Variants in SCGB2B2 observed in about 807,000 individuals in gnomAD.
SCGB2B2 encodes secretoglobin-like protein.
Under a neutral mutation model 7.6 loss-of-function variants are expected in SCGB2B2, and 11 were observed. That is an observed-to-expected ratio of 1.45 (90% CI 0.91 to 2.40). The LOEUF is 2.40. Among genes scored for constraint, SCGB2B2 ranks in the 30% most tolerant of loss-of-function variants. The pLI is 0.00. For missense variants in SCGB2B2, 104 were observed against 115.4 expected, an observed-to-expected ratio of 0.90 and a Z score of 0.45; for synonymous variants, 50 against 48.6, an observed-to-expected ratio of 1.03 and a Z score of -0.12.
chr19:34,616,023 A>G (rs1568432515), intron 1 of SCGB2B2, among the ~76,000 whole-genome samples: 1 of 151,470 alleles, frequency 6.6e-6, no homozygotes, highest in Admixed American at 6.6e-5. Flanking sequence ...TGAACTCATC[A>G]TTTTTTATGG....
At chr19:34,606,697 A>C (rs907821596) in intron 1 of SCGB2B2, among the ~76,000 whole-genome samples, 3 of 152,064 alleles carry the variant, frequency 2.0e-5, no homozygotes, top group African/African-American at 7.2e-5. Context: ...CAATGACCAG[A>C]TTTATATAAC....
intron 1 of SCGB2B2, among the ~76,000 whole-genome samples, chr19:34,671,839 A>G (rs935800300): frequency 5.9e-5 from 9 of 151,958 alleles, no homozygotes; most frequent in African/African-American, 2.2e-4. Context: ...TTTATTCCAG[A>G]TTTTTTTCAC....
At chr19:34,619,063 C>T (rs995774648) in intron 1 of SCGB2B2, among the ~76,000 whole-genome samples, 20 of 152,186 alleles carry the variant, frequency 1.3e-4, no homozygotes, top group African/African-American at 4.3e-4. Flanking sequence ...TAATCTTTTA[C>T]ATTGTCTTTT....
At chr19:34,637,222 T>C (rs1217429784) in intron 1 of SCGB2B2, among the ~76,000 whole-genome samples, 1 of 152,038 alleles carries the variant, frequency 6.6e-6, no homozygotes, top group African/African-American at 2.4e-5. Flanking sequence ...CCTGGTGGGA[T>C]CTATTGGGTT....
At chr19:34,588,032 T>C (rs1272756034), downstream of SCGB2B2, among the ~76,000 whole-genome samples, 3 of 152,192 alleles carry the variant, frequency 2.0e-5, no homozygotes, top group Non-Finnish European at 2.9e-5. Context: ...CGGATAATGG[T>C]GGCCTTGTAA....
intron 1 of SCGB2B2, among the ~76,000 whole-genome samples, chr19:34,666,700 G>A (rs748496292): frequency 5.3e-5 from 8 of 152,298 alleles, no homozygotes; most frequent in Non-Finnish European, 1.0e-4. Context: ...CACCCCAAGT[G>A]TAACCCACAC....
intron 1 of SCGB2B2, among the ~76,000 whole-genome samples, chr19:34,643,650 A>G (rs181798837): frequency 2.2e-4 from 34 of 152,340 alleles, no homozygotes; most frequent in Non-Finnish European, 1.0e-4. Context: ...ATCATTACAC[A>G]TTCTATGCCT....
chr19:34,618,054 C>T (rs546891201), intron 1 of SCGB2B2, among the ~76,000 whole-genome samples: 52 of 152,338 alleles, frequency 3.4e-4, no homozygotes, highest in African/African-American at 1.2e-3. Flanking sequence ...GTGAGATGAA[C>T]CCGGTACCTC....
At chr19:34,663,009 A>G (rs934642917) in intron 1 of SCGB2B2, among the ~76,000 whole-genome samples, 2 of 152,242 alleles carry the variant, frequency 1.3e-5, no homozygotes, top group Non-Finnish European at 2.9e-5. Flanking sequence ...ACATTTCACT[A>G]AATGACTGAT....
chr19:34,664,011 G>GACT (rs916712962), intron 1 of SCGB2B2, among the ~76,000 whole-genome samples: 12 of 146,260 alleles, frequency 8.2e-5, no homozygotes, highest in Middle Eastern at 6.9e-3. Flanking sequence ...TCTGCTAAGG[G>GACT]ACTACTCCCC....
At chr19:34,674,499 A>G (rs1011482965) in intron 1 of SCGB2B2, among the ~76,000 whole-genome samples, 3 of 152,220 alleles carry the variant, frequency 2.0e-5, no homozygotes, top group South Asian at 2.1e-4. Flanking sequence ...TATACCTACC[A>G]TGTTAAAAAA....
At chr19:34,644,648 C>G (rs1295449393) in intron 1 of SCGB2B2, among the ~76,000 whole-genome samples, 2 of 152,064 alleles carry the variant, frequency 1.3e-5, no homozygotes, top group Non-Finnish European at 2.9e-5. Flanking sequence ...CACATTTGTC[C>G]TTTTGCGTCT....
chr19:34,593,662 G>A (rs944322706), intron 3 of SCGB2B2, 63 bp from the exon 4 acceptor site: 20 of 1,358,804 alleles, frequency 1.5e-5, no homozygotes, highest in African/African-American at 8.7e-5. Context: ...CAGACTCATC[G>A]TTATTGCCCG....
chr19:34,589,051 G>T (rs2065242895), downstream of SCGB2B2, among the ~76,000 whole-genome samples: 3 of 152,180 alleles, frequency 2.0e-5, no homozygotes, highest in Admixed American at 2.0e-4. Context: ...TGTGCTGAGA[G>T]ATATGGGTAG....
intron 1 of SCGB2B2, among the ~76,000 whole-genome samples, chr19:34,661,265 A>T (rs1217552008): frequency 6.6e-6 from 1 of 152,010 alleles, no homozygotes; most frequent in Non-Finnish European, 1.5e-5. Flanking sequence ...TAGAACTCAA[A>T]GTATAATAAA....
At chr19:34,615,490 A>C (rs8105079) in intron 1 of SCGB2B2, among the ~76,000 whole-genome samples, 47,499 of 149,202 alleles carry the variant, frequency 0.32, 8,369 homozygotes, top group Middle Eastern at 0.48. Flanking sequence ...TTCTGTGCTC[A>C]TTAGAGTTTC....
Position 34,594,750 on chromosome 19 carries a change from T to G in SCGB2B2, c.-187A>C, listed in dbSNP as rs769686327. 45 of 632,042 alleles carry G rather than the reference T, an allele frequency of 7.1e-5. No homozygotes were observed. Among genetic ancestry groups the G allele is most frequent in the Non-Finnish European group, 1.1e-4 (37 of 344,144 alleles). The allele number at this position is 632,042 out of a possible 1,614,324, so 39.2% of individuals were successfully genotyped here. ...CAGAGAGACCCTCGGCCCTGGGCCA[T>G]GCTGTTGGGGTGGCAGCGTATCGGG... On this transcript the variant is annotated 5_prime_UTR_variant, in exon 2 of 4. An upstream start codon of the reference 5' UTR is lost. Transcript: ENST00000601241.
At chr19:34,671,395 A>G (rs529942986) in intron 1 of SCGB2B2, among the ~76,000 whole-genome samples, 98 of 152,028 alleles carry the variant, frequency 6.4e-4, no homozygotes, top group Admixed American at 1.2e-3. Flanking sequence ...ACTTTATAAT[A>G]TGTCTTTAAA....
intron 1 of SCGB2B2, among the ~76,000 whole-genome samples, chr19:34,668,492 G>A (rs10411369): frequency 1.1e-4 from 16 of 152,022 alleles, no homozygotes; most frequent in African/African-American, 3.1e-4. Flanking sequence ...GCTCCATAGC[G>A]CCCAGTCCCA....
Sources: gnomAD v4.1 joint callset for allele counts (sites outside exome capture counted in the v4.1 genomes callset) on GRCh38, gnomAD v4.1.1 for gene constraint, MANE v1.5 for transcripts, NCBI Gene and HGNC (gene_info 2026-07-23, HGNC 2026-07-21) for gene names.